GDPD5: variants seen among roughly 807,000 people sequenced by gnomAD.
GDPD5 encodes glycerophosphodiester phosphodiesterase domain containing 5, also known as glycerophosphodiester phosphodiesterase 2.
In GDPD5, 48 loss-of-function variants were observed where a neutral mutation model predicts 75.1. The observed-to-expected ratio is 0.64, with a 90% CI of 0.51 to 0.81. GDPD5 has a LOEUF of 0.81. GDPD5 is among the 40% of genes least tolerant of loss of function. GDPD5 has a pLI of 0.00. For missense variants in GDPD5, 706 were observed against 822.6 expected (o/e 0.86, Z 1.73); for synonymous variants, 336 against 339.0 (o/e 0.99, Z 0.10).
chr11:75,436,184 C>A (rs1469539983), intron 16 of GDPD5, among the ~76,000 whole-genome samples: 1 of 152,170 alleles, frequency 6.6e-6, no homozygotes. Flanking sequence ...ATCTATGTCC[C>A]CAGGGCCTGG....
chr11:75,452,120 C>A (rs967888398), intron 6 of GDPD5: 3 of 152,210 alleles, frequency 2.0e-5, no homozygotes, highest in Non-Finnish European at 4.4e-5. Context: ...GCCTAGGTGC[C>A]GGGACCCGAG....
intron 11 of GDPD5, 98 bp from the exon 12 acceptor site, chr11:75,442,679 C>T: frequency 9.2e-7 from 1 of 1,083,412 alleles, no homozygotes; most frequent in South Asian, 1.4e-5. Context: ...CCTGGGCTGC[C>T]AGAGTCTGCT....
At chr11:75,440,315 ACT>A (rs1279866769) in intron 14 of GDPD5, among the ~76,000 whole-genome samples, 2 of 151,530 alleles carry the variant, frequency 1.3e-5, no homozygotes, top group African/African-American at 4.9e-5. Context: ...CCCGCTGCCG[ACT>A]CTCATCCATC....
At chr11:75,444,266 A>C (rs1391829334) in intron 10 of GDPD5, 147 bp downstream of exon 10, 1 of 628,426 alleles carries the variant, frequency 1.6e-6, no homozygotes. Context: ...CTGCAGGAAC[A>C]GGGTGCCTGC....
chr11:75,465,634 C>T (rs889482475), intron 3 of GDPD5, among the ~76,000 whole-genome samples: 1 of 152,198 alleles, frequency 6.6e-6, no homozygotes, highest in Non-Finnish European at 1.5e-5. Flanking sequence ...AGGAGAGATT[C>T]CCCTGAGGCT....
chr11:75,481,105 G>C (rs770944667), intron 2 of GDPD5, among the ~76,000 whole-genome samples: 5 of 152,204 alleles, frequency 3.3e-5, no homozygotes, highest in Non-Finnish European at 5.9e-5. Flanking sequence ...GGGAGGAAAG[G>C]GAGCCTGTGG....
chr11:75,515,871 C>T (rs775577176), intron 1 of GDPD5: 3 of 152,234 alleles, frequency 2.0e-5, no homozygotes, highest in African/African-American at 4.8e-5. Context: ...AAACTCCTCT[C>T]GCCGAGGTGT....
chr11:75,516,204 T>C (rs1400158794), intron 1 of GDPD5: 2 of 152,376 alleles, frequency 1.3e-5, no homozygotes, highest in East Asian at 3.8e-4. Flanking sequence ...GTTTATCCCC[T>C]GTGAGGTCTC....
chr11:75,500,809 C>T (rs1408438553), intron 1 of GDPD5, among the ~76,000 whole-genome samples: 1 of 152,180 alleles, frequency 6.6e-6, no homozygotes, highest in East Asian at 1.9e-4. Context: ...TCTCCCTTTT[C>T]TTCAAACCCG....
chr11:75,516,165 G>A (rs1440474456), intron 1 of GDPD5: 2 of 152,424 alleles, frequency 1.3e-5, no homozygotes, highest in African/African-American at 4.8e-5. Flanking sequence ...ATAAATGGGG[G>A]ACTGAAGGAA....
At chr11:75,493,406 G>A (rs75867319) in intron 1 of GDPD5, among the ~76,000 whole-genome samples, 7 of 151,748 alleles carry the variant, frequency 4.6e-5, no homozygotes, top group South Asian at 2.1e-4. Flanking sequence ...TAAGGCATGC[G>A]TTGTGGACTG....
At position 75,449,508 on chromosome 11, in the gene GDPD5, T is replaced by G. The variant is rs1383508852; in HGVS notation, c.568+9A>C. On this transcript the variant is annotated intron_variant, in intron 8 of 16. Coordinates refer to ENST00000336898, the MANE Select transcript of GDPD5 (RefSeq NM_030792.8). ...ATTGGAGGGGCAGGCCCTTCACAGT[T>G]CTACTCACAGGTCCGCTCTGCGCGG... 3 of 1,562,406 alleles carry G rather than the reference T, an allele frequency of 1.9e-6. No individual in the cohort carries two copies. The highest frequency in any genetic ancestry group is 1.7e-4 in the Middle Eastern group (1 of 6,010).
At chr11:75,499,394 CTTTT>C (rs376714511) in intron 1 of GDPD5, among the ~76,000 whole-genome samples, 61 of 45,320 alleles carry the variant, frequency 1.3e-3, no homozygotes, top group African/African-American at 2.6e-3. Flanking sequence ...TCTTCTTTTC[CTTTT>C]TTTTTTTTTT....
intron 2 of GDPD5, among the ~76,000 whole-genome samples, chr11:75,489,652 G>C (rs1489955714): frequency 6.6e-6 from 1 of 152,120 alleles, no homozygotes; most frequent in Non-Finnish European, 1.5e-5. Flanking sequence ...CCCTCAGATT[G>C]GAGGTTAAGG....
chr11:75,479,478 T>C (rs1411780989), intron 2 of GDPD5: 1 of 152,140 alleles, frequency 6.6e-6, no homozygotes, highest in Non-Finnish European at 1.5e-5. Flanking sequence ...GCAGAAACTA[T>C]AACAGCAGCC....
chr11:75,448,776 CT>C (rs1949052396), intron 9 of GDPD5, 200 bp downstream of exon 9: 1 of 1,212,452 alleles, frequency 8.2e-7, no homozygotes, highest in Non-Finnish European at 1.1e-6. Context: ...AAACTGAAAT[CT>C]TTTTAGCAAG....
chr11:75,485,390 T>C (rs1291283891), intron 2 of GDPD5: 2 of 152,118 alleles, frequency 1.3e-5, no homozygotes, highest in African/African-American at 2.4e-5. Context: ...TAATATAAGA[T>C]GTAAAGAATA....
intron 1 of GDPD5, among the ~76,000 whole-genome samples, chr11:75,509,871 G>A (rs1950479180): frequency 6.6e-6 from 1 of 152,174 alleles, no homozygotes; most frequent in Non-Finnish European, 1.5e-5. Flanking sequence ...GTAGAGACAG[G>A]GTTTCACCAT....
intron 1 of GDPD5, among the ~76,000 whole-genome samples, chr11:75,511,164 C>T (rs1379902931): frequency 2.6e-5 from 4 of 152,194 alleles, no homozygotes; most frequent in Non-Finnish European, 5.9e-5. Flanking sequence ...CGGCCACTTG[C>T]CCCTGCTGCC....
Sources: gnomAD v4.1 joint callset for allele counts (sites outside exome capture counted in the v4.1 genomes callset) on GRCh38, gnomAD v4.1.1 for gene constraint, MANE v1.5 for transcripts, NCBI Gene and HGNC (gene_info 2026-07-23, HGNC 2026-07-21) for gene names.